NUTM2G: variants seen among roughly 807,000 people sequenced by gnomAD.
The protein encoded by NUTM2G is family with sequence similarity 22, member G.
In NUTM2G, 29 loss-of-function variants were observed where a neutral mutation model predicts 44.3. The ratio of observed to expected loss-of-function variants is 0.66; its 90% CI spans 0.49 to 0.89. The LOEUF (loss-of-function observed/expected upper bound fraction) is 0.89, where lower values mean the gene tolerates loss of function less well. Among genes scored for constraint, NUTM2G ranks in the 40% least tolerant of loss-of-function variants. The pLI is 0.00. For synonymous variants in NUTM2G, 205 were observed against 395.9 expected (o/e 0.52, Z 5.72); for missense variants, 502 against 946.5 (o/e 0.53, Z 6.16).
At chr9:96,937,684 GTGTGTGGTTTGTGTGTCTC>G (rs1261641115) in intron 5 of NUTM2G, among the ~76,000 whole-genome samples, 182 bp from the exon 6 acceptor site, 1 of 149,918 alleles carries the variant, frequency 6.7e-6, no homozygotes, top group Non-Finnish European at 1.5e-5. Context: ...CTGTGTGTCT[GTGTGTGGTTTGTGTGTCTC>G]TGTATGTGTG....
At chr9:96,942,070 C>G (rs1051217986), downstream of NUTM2G, among the ~76,000 whole-genome samples, 1 of 151,864 alleles carries the variant, frequency 6.6e-6, no homozygotes, top group Non-Finnish European at 1.5e-5. Flanking sequence ...GGGGCGGCCC[C>G]GGGCAGGTTT....
rs755762818 is a variant in NUTM2G at position 96,936,531 on chromosome 9, G to C, written c.949G>C (p.Gly317Arg). 20 of 1,554,230 alleles carry C rather than the reference G, an allele frequency of 1.3e-5. No individual in the cohort carries two copies. The highest frequency in any genetic ancestry group is 1.7e-5 in the Non-Finnish European group (20 of 1,157,740). The part of the protein sequence containing the change: ...PPAPPRLEPR[G>R]PPAPEVVKQP... ...AGCCCCGCCGAGGCTTGAACCTCGAGGACCCCCTGCCCCTGAGGTGGTCAA... is the reference window on the plus strand; with the variant it reads ...AGCCCCGCCGAGGCTTGAACCTCGACGACCCCCTGCCCCTGAGGTGGTCAA... The change falls in exon 4 of 7, where the codon GGA (glycine) becomes CGA (arginine). Residue 317 changes from glycine to arginine, a missense_variant. Physicochemically the swap from Gly to Arg is moderately radical, Grantham distance 125 (BLOSUM62 -2). Transcript: ENST00000372322.
intron 6 of NUTM2G, 150 bp downstream of exon 6, chr9:96,938,151 G>A (rs1826503589): frequency 3.1e-6 from 2 of 648,944 alleles, no homozygotes; most frequent in Non-Finnish European, 5.5e-6. Flanking sequence ...GGTTCAGAGG[G>A]AGTAGGATGG....
At chr9:96,935,203 G>A in intron 2 of NUTM2G, 125 bp from the exon 3 acceptor site, 5 of 1,484,916 alleles carry the variant, frequency 3.4e-6, no homozygotes, top group Non-Finnish European at 2.8e-6. Context: ...GCCCACATGG[G>A]GGAGAACAGG....
At chr9:96,929,125 G>A (rs1347852957) in intron 1 of NUTM2G, 85 bp downstream of exon 1, 4 of 1,592,626 alleles carry the variant, frequency 2.5e-6, no homozygotes, top group Admixed American at 3.3e-5. Flanking sequence ...CCTGGGGACA[G>A]CTTATAGGGC....
At chr9:96,935,775 G>T (rs1564032852) in intron 3 of NUTM2G, among the ~76,000 whole-genome samples, 1 of 152,152 alleles carries the variant, frequency 6.6e-6, no homozygotes. Context: ...AAGAAGGGGC[G>T]CTAGTGACTA....
At chr9:96,935,886 G>T (rs1480699410) in intron 3 of NUTM2G, among the ~76,000 whole-genome samples, 4 of 151,844 alleles carry the variant, frequency 2.6e-5, no homozygotes, top group African/African-American at 9.7e-5. Context: ...ACCTGTACCT[G>T]GGACACCATG....
At chr9:96,930,872 GTTTTTTTTTTTTTTTTTTTTTTTTTT>G (rs1168888338) in intron 1 of NUTM2G, among the ~76,000 whole-genome samples, 5 of 72,724 alleles carry the variant, frequency 6.9e-5, no homozygotes, top group South Asian at 5.6e-4. Context: ...CCATCCAGTG[GTTTTTTTTTTTTTTTTTTTTTTTTTT>G]TTTTTTTTTT....
intron 2 of NUTM2G, 60 bp from the exon 3 acceptor site, chr9:96,935,268 C>G: frequency 6.2e-7 from 1 of 1,609,026 alleles, no homozygotes. Context: ...GTGTTGGGAC[C>G]AGGTGGGCCC....
At position 96,928,983 on chromosome 9, in the gene NUTM2G, G is replaced by A. The variant is rs201497106; in HGVS notation, c.-42G>A. 1.1e-4 allele frequency: 170 copies of A among 1,604,774 alleles called. 3 individuals are homozygous for A. The South Asian group carries it at 1.2e-3, about 11-fold the overall frequency. On this transcript the variant is annotated 5_prime_UTR_variant, in exon 1 of 7. Coordinates refer to ENST00000372322, the MANE Select transcript of NUTM2G (RefSeq NM_001170741.3). ...TCCTGCCCTTGACTTTTTTCATTGC[G>A]GAAGCTGCCAGACAGTGGTGGTCAG...
At chr9:96,936,709 T>C in intron 4 of NUTM2G, 145 bp downstream of exon 4, 1 of 1,425,656 alleles carries the variant, frequency 7.0e-7, no homozygotes. Flanking sequence ...TGTTGGGTAT[T>C]GACCAGGTCA....
At chr9:96,937,745 G>A in intron 5 of NUTM2G, 140 bp from the exon 6 acceptor site, 2 of 1,055,040 alleles carry the variant, frequency 1.9e-6, no homozygotes, top group South Asian at 2.7e-5. Flanking sequence ...TGTGCGTGTA[G>A]CTGGTGGTCG....
intron 2 of NUTM2G, 151 bp from the exon 3 acceptor site, chr9:96,935,177 T>A: frequency 2.1e-6 from 3 of 1,401,662 alleles, no homozygotes; most frequent in Non-Finnish European, 2.9e-6. Flanking sequence ...TGGGGGTGTG[T>A]CCTGGAGGCT....
intron 4 of NUTM2G, among the ~76,000 whole-genome samples, 185 bp from the exon 5 acceptor site, chr9:96,936,879 C>A (rs895658180): frequency 1.3e-5 from 2 of 152,218 alleles, no homozygotes; most frequent in Admixed American, 6.5e-5. Flanking sequence ...TGGCTCCAAA[C>A]TTCCTCCCAA....
chr9:96,933,785 T>G (rs1432453029), intron 2 of NUTM2G: 2 of 153,122 alleles, frequency 1.3e-5, no homozygotes, highest in Non-Finnish European at 2.9e-5. Context: ...AGCAGAAACC[T>G]GGCACACACC....
chr9:96,937,278 G>A lies in NUTM2G; in HGVS notation c.1197G>A (p.Gly399=), dbSNP rs747388231. 42 of 1,613,724 alleles carry A rather than the reference G, an allele frequency of 2.6e-5. No individual in the cohort carries two copies. The East Asian group carries it at 5.1e-4, about 20-fold the overall frequency. The change falls in exon 5 of 7, where the codon GGG becomes GGA. Residue 399 remains glycine, a synonymous_variant. Coordinates refer to ENST00000372322, the MANE Select transcript of NUTM2G (RefSeq NM_001170741.3). ...TGGGGTCTCACCCTGGGGACACAGG[G>A]GAGCCTGAGGGACAACGGGAAAAGG... ...ELLGSHPGDT[G]EPEGQREKGK...
chr9:96,937,206 C>G lies in NUTM2G; in HGVS notation c.1125C>G (p.Ile375Met). The G allele has an allele frequency of 6.2e-7, 1 of 1,612,822 alleles. No homozygotes were observed. Among genetic ancestry groups the G allele is most frequent in the Non-Finnish European group, 8.5e-7 (1 of 1,179,814 alleles). ...CAGAGACCAAGGTCCCTGAGGAGAT[C>G]CCCCCTGAAGTGGTGCAGGAGTATG... ...RPAETKVPEE[I>M]PPEVVQEYVD... Residue 375 changes from isoleucine to methionine, a missense_variant, in exon 5 of 7, where the codon ATC (isoleucine) becomes ATG (methionine). Ile to Met is a conservative substitution (Grantham distance 10). Coordinates refer to ENST00000372322, the MANE Select transcript of NUTM2G (RefSeq NM_001170741.3).
In NUTM2G at chr9:96,938,010, G is replaced by C. The variant is rs1480791908; in HGVS notation, c.1440+9G>C. On this transcript the variant is annotated intron_variant, in intron 6 of 6. Coordinates refer to ENST00000372322, the MANE Select transcript of NUTM2G (RefSeq NM_001170741.3). ...GACTCACCCTTGCCCAGGTAGAGCA[G>C]CAGAGGGAGGGGAACCCAGGTACTC... The C allele has an allele frequency of 6.2e-7, 1 of 1,612,292 alleles. No individual in the cohort carries two copies. Among genetic ancestry groups the C allele is most frequent in the African/African-American group, 1.3e-5 (1 of 74,866 alleles).
At chr9:96,936,622 G>GC (rs1267389842) in intron 4 of NUTM2G, 58 bp downstream of exon 4, 1 of 1,528,682 alleles carries the variant, frequency 6.5e-7, no homozygotes, top group African/African-American at 1.4e-5. Context: ...GCCAAGGGAG[G>GC]CCACTGTCCC....
Sources: allele counts gnomAD v4.1 joint callset (sites outside exome capture counted in the v4.1 genomes callset), GRCh38; gene constraint gnomAD v4.1.1; transcripts MANE v1.5; gene names NCBI Gene and HGNC (gene_info 2026-07-23, HGNC 2026-07-21).